Variants in PIP5K1C observed in about 807,000 individuals in gnomAD.
The protein encoded by PIP5K1C is phosphatidylinositol-4-phosphate 5-kinase type 1 gamma, also known as phosphatidylinositol 4-phosphate 5-kinase type-1 gamma.
A neutral mutation model predicts 80.1 loss-of-function variants in PIP5K1C; 45 were observed. That is an observed-to-expected ratio of 0.56 (90% CI 0.44 to 0.72). The LOEUF (loss-of-function observed/expected upper bound fraction) is 0.72, where lower values mean the gene tolerates loss of function less well. Ranked by LOEUF, PIP5K1C falls within the 30% of genes least tolerant of loss-of-function variation. PIP5K1C has a pLI of 0.00. For missense variants in PIP5K1C, 753 were observed against 954.6 expected, an observed-to-expected ratio of 0.79 and a Z score of 2.78; for synonymous variants, 498 against 420.1, an observed-to-expected ratio of 1.19 and a Z score of -2.27.
At chr19:3,697,286 G>C (rs2036150201) in intron 1 of PIP5K1C, among the ~76,000 whole-genome samples, 1 of 149,884 alleles carries the variant, frequency 6.7e-6, no homozygotes, top group South Asian at 2.2e-4. Flanking sequence ...AAGCCGGATA[G>C]AGGACCGAGC....
rs780452499 is a variant in PIP5K1C at position 3,653,280 on chromosome 19, G to A, written c.921+10C>T. 1.1e-4 allele frequency: 169 copies of A among 1,603,028 alleles called. No individual in the cohort carries two copies. The highest frequency in any genetic ancestry group is 3.8e-4 in the East Asian group (17 of 44,850). ...CCACCCTCCCTCCCCGGCCGGGGCC[G>A]AGCCCTCACCAGGCAGTCCCGCTGC... On this transcript the variant is annotated intron_variant, in intron 7 of 17. Coordinates refer to ENST00000335312, the MANE Select transcript of PIP5K1C (RefSeq NM_012398.3).
intron 1 of PIP5K1C, among the ~76,000 whole-genome samples, chr19:3,683,775 CCCGGGGCAGGA>C (rs1334305554): frequency 1.3e-5 from 2 of 152,022 alleles, no homozygotes; most frequent in Non-Finnish European, 2.9e-5. Flanking sequence ...GTACGGAGGC[CCCGGGGCAGGA>C]CCGTGTCTGG....
Position 3,650,451 on chromosome 19 carries a change from C to T in PIP5K1C, c.1127+1375G>A, listed in dbSNP as rs560867925. 5.9e-4 allele frequency among the ~76,000 whole-genome samples: 90 copies of T among 152,368 alleles called. 1 individual carries two copies. In the South Asian group the frequency reaches 6.4e-3, roughly 11 times the overall value. ...ATACGACACCTGTCTATCCCGCATC[C>T]GGGGCCATGTCTGGGGACATCTGTG... On this transcript the variant is annotated intron_variant, in intron 8 of 17. Transcript: ENST00000335312.
intron 3 of PIP5K1C, among the ~76,000 whole-genome samples, chr19:3,664,179 G>A (rs2034930327): frequency 6.6e-6 from 1 of 152,228 alleles, no homozygotes; most frequent in South Asian, 2.1e-4. Context: ...CTGATCCACA[G>A]ACGCAGGAAA....
Position 3,644,235 on chromosome 19 carries a change from G to A in PIP5K1C, c.1362C>T (p.Pro454=), listed in dbSNP as rs1290026793. The A allele has an allele frequency of 2.5e-6, 4 of 1,612,244 alleles. No homozygotes were observed. The highest frequency in any genetic ancestry group is 3.4e-6 in the Non-Finnish European group (4 of 1,179,860). The part of the protein sequence containing the change: ...FRKNSSLKSS[P]SKKGRGGALL... ...AGGCTCCGCCGCGCCCCTTCTTGGA[G>A]GGCGAGGACTTCAGGGCTGCAGGGA... The change falls in exon 12 of 18, where the codon CCC becomes CCT. Residue 454 remains proline (P), a synonymous_variant. Coordinates refer to ENST00000335312, the MANE Select transcript of PIP5K1C (RefSeq NM_012398.3).
chr19:3,697,188 G>C (rs1451625117), intron 1 of PIP5K1C, among the ~76,000 whole-genome samples: 1 of 151,670 alleles, frequency 6.6e-6, no homozygotes, highest in East Asian at 1.9e-4. Flanking sequence ...GCTGGACTGG[G>C]GAGGACTGAG....
At chr19:3,658,292 C>T (rs1054562564) in intron 5 of PIP5K1C, among the ~76,000 whole-genome samples, 2 of 152,274 alleles carry the variant, frequency 1.3e-5, no homozygotes, top group African/African-American at 2.4e-5. Context: ...GCATGCGCTG[C>T]TTCTGCCATG....
At chr19:3,651,699 C>T in intron 8 of PIP5K1C, 127 bp downstream of exon 8, 1 of 948,340 alleles carries the variant, frequency 1.1e-6, no homozygotes, top group South Asian at 1.4e-5. Context: ...CTCCCAGACT[C>T]TGTCTGTCAC....
chr19:3,657,441 A>G (rs1352629198), intron 5 of PIP5K1C, among the ~76,000 whole-genome samples: 2 of 152,182 alleles, frequency 1.3e-5, no homozygotes, highest in East Asian at 3.9e-4. Context: ...ACTGGTCGCC[A>G]TTGGTGTACA....
At chr19:3,657,999 C>T (rs1377634630) in intron 5 of PIP5K1C, among the ~76,000 whole-genome samples, 2 of 152,226 alleles carry the variant, frequency 1.3e-5, no homozygotes, top group South Asian at 2.1e-4. Flanking sequence ...GGGCTTGAGG[C>T]GTGAGTTGGG....
chr19:3,651,970 T>C lies in PIP5K1C; in HGVS notation c.983A>G (p.Gln328Arg). ...SLLLGVHNID[Q>R]HERERQAQGA... ...CTGCGCCTGCCGCTCGCGCTCGTGC[T>C]GGTCGATGTTGTGCACGCCCAGCAG... The change falls in exon 8 of 18, where the codon CAG (glutamine) becomes CGG (arginine). Residue 328 changes from glutamine (Q) to arginine (R), a missense_variant. Transcript: ENST00000335312. 3 of 1,613,138 alleles carry C rather than the reference T, an allele frequency of 1.9e-6. No individual in the cohort carries two copies. Among genetic ancestry groups the C allele is most frequent in the Non-Finnish European group, 2.5e-6 (3 of 1,179,988 alleles).
chr19:3,700,423 G>C lies in PIP5K1C; in HGVS notation c.-33C>G. ...CGCGGACGGCGGCGGGGGCGCCCGA[G>C]GGGGACCCGAGCTGCGACCGCCGCC... On this transcript the variant is annotated 5_prime_UTR_variant, in exon 1 of 18. Transcript: ENST00000335312. 3.8e-6 allele frequency: 4 copies of C among 1,055,066 alleles called. No homozygotes were observed. Among genetic ancestry groups the C allele is most frequent in the Non-Finnish European group, 4.6e-6 (4 of 873,482 alleles). The allele number at this position is 1,055,066 out of a possible 1,614,324, so 65.4% of individuals were successfully genotyped here.
rs947294532 is a variant in PIP5K1C at position 3,696,528 on chromosome 19, A to G, written c.94+3769T>C. ...GGTGACAGCAGGGCAGGGAGGCCTC[A>G]CGGAGAGGAGATGCTCCCACAAAAC... On this transcript the variant is annotated intron_variant, in intron 1 of 17. Coordinates refer to ENST00000335312, the MANE Select transcript of PIP5K1C (RefSeq NM_012398.3). The surrounding 1 kb of genome is among the most constrained non-coding windows in gnomAD (Gnocchi z 4.1). Among the ~76,000 whole-genome samples the G allele has an allele frequency of 1.8e-4, 26 of 147,032 alleles. 1 individual carries two copies. The highest frequency in any genetic ancestry group is 1.5e-5 in the Non-Finnish European group (1 of 66,850).
chr19:3,656,523 G>C lies in PIP5K1C; in HGVS notation c.503C>G (p.Ser168Cys). ...SLCNEPLIEL[S>C]NPGASGSLFY... ...GAGGGAGCCACTGGCGCCCGGGTTG[G>C]ACAGCTCGATCAGCGGCTCATTGCA... Residue 168 changes from serine to cysteine, a missense_variant, in exon 6 of 18, where the codon TCC becomes TGC. Ser to Cys is a moderately radical substitution (Grantham distance 112). Around this residue, in one of 6 missense-constraint regions of PIP5K1C, gnomAD observed 139 missense variants for 289.7 expected, o/e 0.48. Transcript: ENST00000335312. 6.2e-7 allele frequency: 1 copy of C among 1,613,910 alleles called. No individual in the cohort carries two copies. The highest frequency in any genetic ancestry group is 1.1e-5 in the South Asian group (1 of 91,088).
At chr19:3,689,305 G>A (rs2035872928) in intron 1 of PIP5K1C, among the ~76,000 whole-genome samples, 1 of 152,186 alleles carries the variant, frequency 6.6e-6, no homozygotes. Flanking sequence ...GTTTCCCCTG[G>A]AGCCAGGGCT....
chr19:3,662,806 T>A lies in PIP5K1C; in HGVS notation c.220-805A>T, dbSNP rs979349046. On this transcript the variant is annotated intron_variant, in intron 3 of 17. Coordinates refer to ENST00000335312, the MANE Select transcript of PIP5K1C (RefSeq NM_012398.3). ...GTCTCGAACTCCTGACCTCAGCTAA[T>A]CCACCTGCCTGGGCCTCCCAAAATG... 3.9e-5 allele frequency among the ~76,000 whole-genome samples: 6 copies of A among 152,016 alleles called. No homozygotes were observed. The East Asian group carries it at 1.2e-3, about 29-fold the overall frequency.
Position 3,644,082 on chromosome 19 carries a change from C to T in PIP5K1C, c.1510+5G>A, listed in dbSNP as rs2034101993. 6.2e-7 allele frequency: 1 copy of T among 1,610,616 alleles called. No individual in the cohort carries two copies. Among genetic ancestry groups the T allele is most frequent in the Non-Finnish European group, 8.5e-7 (1 of 1,179,818 alleles). ...CACAAGCGCACTCTGCCCTCTGCCCCTCACCTTCGTCCTCCAGCGTGGGGT... is the reference window on the plus strand; with the variant it reads ...CACAAGCGCACTCTGCCCTCTGCCCTTCACCTTCGTCCTCCAGCGTGGGGT... On this transcript the variant is annotated splice_donor_5th_base_variant and intron_variant, in intron 12 of 17. Transcript: ENST00000335312.
At chr19:3,673,228 T>C in intron 1 of PIP5K1C, among the ~76,000 whole-genome samples, 1 of 152,092 alleles carries the variant, frequency 6.6e-6, no homozygotes, top group East Asian at 1.9e-4. Flanking sequence ...GAGCGGTGCC[T>C]CTGCCTGGCC....
chr19:3,653,250 ACCTGCCAC>A, intron 7 of PIP5K1C, 32 bp downstream of exon 7: 3 of 1,588,324 alleles, frequency 1.9e-6, no homozygotes, highest in Non-Finnish European at 2.6e-6. Flanking sequence ...ACGCAGTCCC[ACCTGCCAC>A]CCTCCCTCCC....
Sources: allele counts gnomAD v4.1 joint callset (sites outside exome capture counted in the v4.1 genomes callset), GRCh38; gene constraint gnomAD v4.1.1; regional missense constraint gnomAD v4.1.1; non-coding constraint Gnocchi (gnomAD v3.1); transcripts MANE v1.5; gene names NCBI Gene and HGNC (gene_info 2026-07-23, HGNC 2026-07-21).